CDKAL1: variants seen among roughly 807,000 people sequenced by gnomAD.
CDKAL1 encodes the protein CDKAL1 threonylcarbamoyladenosine tRNA methylthiotransferase.
A neutral mutation model predicts 68.2 loss-of-function variants in CDKAL1; 32 were observed. The observed-to-expected ratio is 0.47, with a 90% CI of 0.35 to 0.63. The LOEUF is 0.63. CDKAL1 is among the 30% of genes least tolerant of loss of function. CDKAL1 has a pLI of 0.00. For synonymous variants in CDKAL1, 234 were observed against 244.3 expected (o/e 0.96, Z 0.39); for missense variants, 606 against 696.7 (o/e 0.87, Z 1.47).
chr6:20,840,600 C>T (rs1414128007), intron 8 of CDKAL1, among the ~76,000 whole-genome samples: 1 of 152,166 alleles, frequency 6.6e-6, no homozygotes, highest in Non-Finnish European at 1.5e-5. Context: ...GAGTTTTGGG[C>T]ACAGGAAGCT....
chr6:21,083,930 A>T (rs1772556392), intron 12 of CDKAL1, among the ~76,000 whole-genome samples: 1 of 152,208 alleles, frequency 6.6e-6, no homozygotes, highest in Non-Finnish European at 1.5e-5. Flanking sequence ...CCTTCTCAGA[A>T]GATCTGAGAA....
chr6:20,586,370 G>A (rs1309613876), intron 4 of CDKAL1, among the ~76,000 whole-genome samples: 1 of 152,160 alleles, frequency 6.6e-6, no homozygotes, highest in Non-Finnish European at 1.5e-5. Context: ...GCACAGGGTG[G>A]CTCACTCATG....
In CDKAL1 at chr6:20,878,854, G is replaced by A. The variant is rs186015438; in HGVS notation, c.742+32676G>A. ...AGCACTTTGCGAGGCCAACGTGGGC[G>A]GATCACCTGAGGTCAGGGGTTCAAG... On this transcript the variant is annotated intron_variant, in intron 9 of 15. Transcript: ENST00000274695. 3.1e-3 allele frequency among the ~76,000 whole-genome samples: 474 copies of A among 151,910 alleles called. 2 individuals carry two copies. Among genetic ancestry groups the A allele is most frequent in the African/African-American group, 8.7e-3 (360 of 41,408 alleles).
chr6:20,879,092 GA>G (rs1323280437), intron 9 of CDKAL1, among the ~76,000 whole-genome samples: 2 of 151,386 alleles, frequency 1.3e-5, no homozygotes, highest in African/African-American at 4.9e-5. Flanking sequence ...AAAAAAAAAA[GA>G]AAAAAATAAT....
intron 11 of CDKAL1, among the ~76,000 whole-genome samples, chr6:21,048,535 A>AT (rs1770370701): frequency 6.6e-6 from 1 of 152,114 alleles, no homozygotes; most frequent in African/African-American, 2.4e-5. Flanking sequence ...ATTTGTATAT[A>AT]TCCCTATTCA....
At chr6:21,072,554 C>CAAAAAAAAAAAAAAAAAA (rs71540611) in intron 12 of CDKAL1, among the ~76,000 whole-genome samples, 3 of 44,486 alleles carry the variant, frequency 6.7e-5, no homozygotes, top group African/African-American at 2.5e-4. Flanking sequence ...GACTCCGTCT[C>CAAAAAAAAAAAAAAAAAA]AAAAAAAAAA....
chr6:21,063,371 T>TA (rs1318124045), intron 11 of CDKAL1, among the ~76,000 whole-genome samples: 1 of 152,348 alleles, frequency 6.6e-6, no homozygotes, highest in East Asian at 1.9e-4. Context: ...GTCTGTGCCA[T>TA]ATTTATGGAG....
chr6:20,960,124 G>T (rs1764979110), intron 10 of CDKAL1, among the ~76,000 whole-genome samples: 1 of 151,984 alleles, frequency 6.6e-6, no homozygotes, highest in Admixed American at 6.6e-5. Context: ...ATTTTCTTTT[G>T]CCCACTTTTT....
At chr6:21,092,746 A>AAT (rs1773108881) in intron 12 of CDKAL1, among the ~76,000 whole-genome samples, 2 of 151,890 alleles carry the variant, frequency 1.3e-5, no homozygotes, top group Admixed American at 1.3e-4. Context: ...AAAAAAAAAA[A>AAT]AAGAAGTTAC....
chr6:20,849,029 G>A (rs1758853950), intron 9 of CDKAL1, among the ~76,000 whole-genome samples: 1 of 151,752 alleles, frequency 6.6e-6, no homozygotes, highest in Non-Finnish European at 1.5e-5. Flanking sequence ...CTGGCCTCAA[G>A]CCACCTTGGC....
intron 6 of CDKAL1, among the ~76,000 whole-genome samples, chr6:20,748,997 G>GTA (rs373574306): frequency 1.1e-3 from 162 of 150,582 alleles, no homozygotes; most frequent in Middle Eastern, 3.5e-3. Context: ...GTATGTGTGT[G>GTA]TATATATATA....
intron 8 of CDKAL1, among the ~76,000 whole-genome samples, chr6:20,822,766 C>T (rs1777339706): frequency 6.6e-6 from 1 of 152,134 alleles, no homozygotes; most frequent in Non-Finnish European, 1.5e-5. Context: ...CTTCCTGCTG[C>T]CTTCTGAAGA....
At chr6:21,111,206 A>C (rs566823647) in intron 13 of CDKAL1, among the ~76,000 whole-genome samples, 4 of 152,184 alleles carry the variant, frequency 2.6e-5, no homozygotes, top group Non-Finnish European at 5.9e-5. Flanking sequence ...CTCTCTAGCT[A>C]TATTCATTTT....
chr6:21,032,795 G>A (rs1769367897), intron 11 of CDKAL1, among the ~76,000 whole-genome samples: 1 of 152,170 alleles, frequency 6.6e-6, no homozygotes, highest in Non-Finnish European at 1.5e-5. Context: ...TGTACACTCT[G>A]TGATGTTCGC....
chr6:21,093,691 CTGCTTTTTTTTTTTTTTTTT>C, intron 12 of CDKAL1, among the ~76,000 whole-genome samples: 2 of 134,932 alleles, frequency 1.5e-5, no homozygotes, highest in Non-Finnish European at 3.1e-5. Context: ...GCTGCTGCTG[CTGCTTTTTTTTTTTTTTTTT>C]TTTTTTTTTT....
chr6:20,942,736 C>G (rs1764045314), intron 9 of CDKAL1, among the ~76,000 whole-genome samples: 1 of 149,630 alleles, frequency 6.7e-6, no homozygotes, highest in South Asian at 2.1e-4. Flanking sequence ...GCAGGCAGAT[C>G]ACAAGGTCAG....
intron 9 of CDKAL1, among the ~76,000 whole-genome samples, chr6:20,891,137 G>A (rs1024039851): frequency 6.6e-6 from 1 of 152,172 alleles, no homozygotes; most frequent in African/African-American, 2.4e-5. Context: ...CTTAACCAGT[G>A]ATTTACATGG....
intron 9 of CDKAL1, among the ~76,000 whole-genome samples, chr6:20,951,616 T>C (rs1764528314): frequency 6.6e-6 from 1 of 152,226 alleles, no homozygotes; most frequent in Admixed American, 6.5e-5. Flanking sequence ...GCTTTTTTCC[T>C]GTACAGTGCA....
intron 13 of CDKAL1, among the ~76,000 whole-genome samples, chr6:21,158,692 A>C (rs1776758166): frequency 6.6e-6 from 1 of 152,246 alleles, no homozygotes; most frequent in African/African-American, 2.4e-5. Flanking sequence ...GATGGTATTC[A>C]TAGAAGAATA....
Sources: gnomAD v4.1 joint callset for allele counts (sites outside exome capture counted in the v4.1 genomes callset) on GRCh38, gnomAD v4.1.1 for gene constraint, MANE v1.5 for transcripts, NCBI Gene and HGNC (gene_info 2026-07-23, HGNC 2026-07-21) for gene names.